The following DTNB variants were observed in gnomAD, a reference collection of about 807,000 sequenced individuals.
DTNB encodes dystrobrevin beta.
DTNB carries 63 observed loss-of-function variants against 90.7 expected under a neutral mutation model. The ratio of observed to expected loss-of-function variants is 0.69; its 90% CI spans 0.57 to 0.86. The LOEUF (loss-of-function observed/expected upper bound fraction) is 0.86. DTNB is among the 40% of genes least tolerant of loss of function. DTNB has a pLI of 0.00. For synonymous variants in DTNB, 277 were observed against 286.7 expected (o/e 0.97, Z 0.34); for missense variants, 744 against 807.1 (o/e 0.92, Z 0.95).
chr2:25,643,058 TAG>T (rs1432452878), intron 2 of DTNB, among the ~76,000 whole-genome samples: 13 of 152,116 alleles, frequency 8.5e-5, no homozygotes, highest in African/African-American at 3.1e-4. Context: ...CCGGCCCCAG[TAG>T]AGTTTTATAA....
At chr2:25,389,945 C>CCAT in intron 16 of DTNB, among the ~76,000 whole-genome samples, 1 of 151,780 alleles carries the variant, frequency 6.6e-6, no homozygotes, top group South Asian at 2.1e-4. Context: ...TAATTAACCA[C>CCAT]CCCAAATTGG....
intron 8 of DTNB, among the ~76,000 whole-genome samples, chr2:25,569,291 C>T (rs1029231644): frequency 6.6e-6 from 1 of 152,180 alleles, no homozygotes; most frequent in Non-Finnish European, 1.5e-5. Flanking sequence ...TATTATGCAG[C>T]AAGAGTCACT....
chr2:25,429,817 C>T (rs1001031619), intron 14 of DTNB, among the ~76,000 whole-genome samples: 3 of 152,076 alleles, frequency 2.0e-5, no homozygotes, highest in African/African-American at 7.2e-5. Flanking sequence ...ATCTCAATTG[C>T]CTGGCTAATT....
chr2:25,416,255 T>C (rs1190178167), intron 16 of DTNB, among the ~76,000 whole-genome samples: 1 of 152,236 alleles, frequency 6.6e-6, no homozygotes, highest in Admixed American at 6.5e-5. Flanking sequence ...AGTAAATCCC[T>C]AAGGGGAATG....
chr2:25,494,050 A>C (rs2068188632), intron 9 of DTNB, among the ~76,000 whole-genome samples: 1 of 152,238 alleles, frequency 6.6e-6, no homozygotes, highest in African/African-American at 2.4e-5. Flanking sequence ...TATTTTGCAT[A>C]CATTTCTTTA....
At chr2:25,639,239 G>A (rs1030059760) in intron 2 of DTNB, 145 bp from the exon 3 acceptor site, 1 of 657,614 alleles carries the variant, frequency 1.5e-6, no homozygotes, top group Non-Finnish European at 2.4e-6. Flanking sequence ...AACAACAACA[G>A]AGGGAGAAAA....
At chr2:25,445,869 C>T (rs1329541690) in intron 12 of DTNB, among the ~76,000 whole-genome samples, 2 of 151,102 alleles carry the variant, frequency 1.3e-5, no homozygotes, top group Non-Finnish European at 2.9e-5. Context: ...GGAGACAGGA[C>T]AGTATCCCTG....
intron 3 of DTNB, among the ~76,000 whole-genome samples, chr2:25,637,224 C>T (rs1424687403): frequency 2.0e-5 from 3 of 152,298 alleles, no homozygotes; most frequent in Non-Finnish European, 4.4e-5. Context: ...GGATTAAAGA[C>T]TTAAATGTTA....
intron 8 of DTNB, among the ~76,000 whole-genome samples, chr2:25,572,137 A>G (rs1481931058): frequency 6.6e-6 from 1 of 151,868 alleles, no homozygotes; most frequent in Non-Finnish European, 1.5e-5. Context: ...ATCATACAGA[A>G]CTCCTTAAGA....
chr2:25,450,483 A>C (rs2059116064), intron 12 of DTNB, among the ~76,000 whole-genome samples: 1 of 152,198 alleles, frequency 6.6e-6, no homozygotes, highest in African/African-American at 2.4e-5. Context: ...AGTAGGATTA[A>C]GTCTGCCAAC....
intron 8 of DTNB, among the ~76,000 whole-genome samples, chr2:25,553,924 C>G (rs1049229112): frequency 3.3e-5 from 5 of 151,892 alleles, no homozygotes; most frequent in Admixed American, 6.6e-5. Context: ...TGCTCAGCGG[C>G]AAATAGCTTT....
At chr2:25,583,564 T>C (rs2061888487) in intron 6 of DTNB, among the ~76,000 whole-genome samples, 1 of 151,934 alleles carries the variant, frequency 6.6e-6, no homozygotes, top group Non-Finnish European at 1.5e-5. Flanking sequence ...GTTGCCAGGC[T>C]GGAGTGCAGT....
rs139004782 is a variant in DTNB, at chr2:25,432,612, A to G, written c.1457+274T>C. Reference sequence around the variant, plus strand: ...GACTGCAGCACAGTGGTCTTCTTAAAGCAATCACAGAAGTATAAACAGTGC... The same window carrying G: ...GACTGCAGCACAGTGGTCTTCTTAAGGCAATCACAGAAGTATAAACAGTGC... On this transcript the variant is annotated intron_variant, in intron 14 of 20. Coordinates refer to ENST00000406818, the MANE Select transcript of DTNB (RefSeq NM_021907.5). Among the ~76,000 whole-genome samples the G allele has an allele frequency of 7.0e-4, 106 of 152,336 alleles. No homozygotes were observed. In the South Asian group the frequency reaches 0.012, roughly 18 times the overall value.
chr2:25,509,180 G>C (rs1329762219), intron 9 of DTNB, among the ~76,000 whole-genome samples: 2 of 152,064 alleles, frequency 1.3e-5, no homozygotes, highest in Non-Finnish European at 2.9e-5. Context: ...GCACTAGCTA[G>C]GATCACTAGT....
chr2:25,408,641 AG>A (rs1233410547), intron 16 of DTNB, among the ~76,000 whole-genome samples: 1 of 151,804 alleles, frequency 6.6e-6, no homozygotes, highest in Non-Finnish European at 1.5e-5. Context: ...TTTAAACATC[AG>A]GGCATCTATA....
intron 14 of DTNB, among the ~76,000 whole-genome samples, chr2:25,429,085 C>G (rs2052946225): frequency 6.6e-6 from 1 of 152,164 alleles, no homozygotes; most frequent in African/African-American, 2.4e-5. Flanking sequence ...TACCGAGCCC[C>G]TGAAACAGGG....
chr2:25,668,435 T>C (rs915000447), intron 1 of DTNB, among the ~76,000 whole-genome samples: 8 of 152,234 alleles, frequency 5.3e-5, no homozygotes, highest in African/African-American at 1.9e-4. Context: ...TCTGTACTGT[T>C]GAGTATTTTA....
At chr2:25,423,748 C>T (rs2050592247) in intron 15 of DTNB, among the ~76,000 whole-genome samples, 1 of 150,928 alleles carries the variant, frequency 6.6e-6, no homozygotes, top group African/African-American at 2.4e-5. Context: ...CAACCTCCAC[C>T]TCCTGGGTTC....
chr2:25,415,433 G>A (rs927980147), intron 16 of DTNB, among the ~76,000 whole-genome samples: 8 of 151,922 alleles, frequency 5.3e-5, no homozygotes, highest in African/African-American at 1.9e-4. Flanking sequence ...TTTTAATAGA[G>A]ATGGGGTTTC....
Sources: allele counts gnomAD v4.1 joint callset (sites outside exome capture counted in the v4.1 genomes callset), GRCh38; gene constraint gnomAD v4.1.1; transcripts MANE v1.5; gene names NCBI Gene and HGNC (gene_info 2026-07-23, HGNC 2026-07-21).